GUCY1A2: variants seen among roughly 807,000 people sequenced by gnomAD.
GUCY1A2 encodes guanylate cyclase 1 soluble subunit alpha 2.
GUCY1A2 carries 27 observed loss-of-function variants against 63.5 expected under a neutral mutation model. The ratio of observed to expected loss-of-function variants is 0.43; its 90% confidence interval spans 0.31 to 0.59. The LOEUF is 0.59. Ranked by LOEUF, GUCY1A2 falls within the 20% of genes least tolerant of loss-of-function variation. The pLI is 0.11. For missense variants in GUCY1A2, 768 were observed against 913.3 expected (o/e 0.84, Z 2.05); for synonymous variants, 364 against 343.5 (o/e 1.06, Z -0.66).
At chr11:106,897,018 G>T (rs1860059811) in intron 4 of GUCY1A2, among the ~76,000 whole-genome samples, 1 of 152,052 alleles carries the variant, frequency 6.6e-6, no homozygotes, top group African/African-American at 2.4e-5. Flanking sequence ...AGTGTATAGG[G>T]TTAATATACA....
chr11:106,870,632 T>C (rs1453168110), intron 4 of GUCY1A2, among the ~76,000 whole-genome samples: 1 of 152,072 alleles, frequency 6.6e-6, no homozygotes, highest in African/African-American at 2.4e-5. Flanking sequence ...TGGCTGCGTA[T>C]GACCTTCAGA....
intron 6 of GUCY1A2, among the ~76,000 whole-genome samples, chr11:106,717,325 C>A (rs1161126178): frequency 6.6e-6 from 1 of 152,116 alleles, no homozygotes; most frequent in Non-Finnish European, 1.5e-5. Context: ...ACAACAGGCC[C>A]ATAGTAGACA....
intron 4 of GUCY1A2, among the ~76,000 whole-genome samples, chr11:106,866,247 A>T (rs1859591231): frequency 6.6e-6 from 1 of 151,000 alleles, no homozygotes. Context: ...TCTTGAATTA[A>T]AAAAAAAATG....
chr11:106,838,262 GC>G (rs1265433053), intron 4 of GUCY1A2, among the ~76,000 whole-genome samples: 1 of 151,912 alleles, frequency 6.6e-6, no homozygotes, highest in Non-Finnish European at 1.5e-5. Context: ...TAAACTGAAA[GC>G]TTTTTCAAAG....
intron 1 of GUCY1A2, among the ~76,000 whole-genome samples, chr11:106,991,405 C>T (rs1861468662): frequency 6.6e-6 from 1 of 152,176 alleles, no homozygotes; most frequent in Non-Finnish European, 1.5e-5. Flanking sequence ...GTTTTAAATT[C>T]TGCCTCACAT....
intron 4 of GUCY1A2, among the ~76,000 whole-genome samples, chr11:106,914,640 T>A (rs1192947079): frequency 6.7e-6 from 1 of 148,540 alleles, no homozygotes; most frequent in Non-Finnish European, 1.5e-5. Context: ...ACAAGGAAAA[T>A]TAAATAAATA....
At chr11:106,709,431 GTA>G (rs1271070464) in intron 6 of GUCY1A2, among the ~76,000 whole-genome samples, 1 of 77,694 alleles carries the variant, frequency 1.3e-5, no homozygotes, top group Non-Finnish European at 2.2e-5. Flanking sequence ...TTATATATAA[GTA>G]TATATAATAA....
At chr11:106,766,962 C>A (rs1272210467) in intron 6 of GUCY1A2, among the ~76,000 whole-genome samples, 2 of 152,030 alleles carry the variant, frequency 1.3e-5, no homozygotes, top group Non-Finnish European at 2.9e-5. Flanking sequence ...CTATTCTTTA[C>A]ATAAACGTCA....
chr11:106,848,214 A>G (rs1859303351), intron 4 of GUCY1A2, among the ~76,000 whole-genome samples: 1 of 147,388 alleles, frequency 6.8e-6, no homozygotes. Flanking sequence ...CTATATAAAA[A>G]TCAACAGAAT....
chr11:106,814,162 T>C (rs998614103), intron 4 of GUCY1A2, among the ~76,000 whole-genome samples: 1 of 152,042 alleles, frequency 6.6e-6, no homozygotes, highest in Admixed American at 6.6e-5. Flanking sequence ...AAGAGAGAAG[T>C]TGTTGCTACA....
chr11:106,696,496 T>A (rs1862721892), intron 7 of GUCY1A2, among the ~76,000 whole-genome samples: 1 of 152,184 alleles, frequency 6.6e-6, no homozygotes, highest in Admixed American at 6.5e-5. Flanking sequence ...CAATTATTTT[T>A]AAAAATTAAT....
At chr11:106,703,563 G>A (rs1356750470) in intron 7 of GUCY1A2, among the ~76,000 whole-genome samples, 1 of 152,058 alleles carries the variant, frequency 6.6e-6, no homozygotes, top group Non-Finnish European at 1.5e-5. Context: ...GAATGAGAGT[G>A]GCCTCAAAGC....
intron 4 of GUCY1A2, among the ~76,000 whole-genome samples, chr11:106,845,319 A>G (rs1287653704): frequency 6.6e-6 from 1 of 151,514 alleles, no homozygotes; most frequent in Non-Finnish European, 1.5e-5. Flanking sequence ...ATAATAGAGT[A>G]GGAAATTTGA....
At chr11:106,761,117 T>C (rs1161470269) in intron 6 of GUCY1A2, among the ~76,000 whole-genome samples, 1 of 152,214 alleles carries the variant, frequency 6.6e-6, no homozygotes. Flanking sequence ...TTTCTCCTTC[T>C]TCTGGCCTTA....
intron 5 of GUCY1A2, among the ~76,000 whole-genome samples, chr11:106,777,312 T>C (rs1267375701): frequency 6.6e-6 from 1 of 151,914 alleles, no homozygotes; most frequent in Admixed American, 6.6e-5. Flanking sequence ...CTGGGCACGG[T>C]GGTGCGTGCC....
chr11:106,955,265 C>A (rs192626050), intron 3 of GUCY1A2, among the ~76,000 whole-genome samples: 21 of 152,290 alleles, frequency 1.4e-4, no homozygotes, highest in Admixed American at 8.5e-4. Flanking sequence ...AGCCACCATG[C>A]CCGGCCCAGT....
intron 4 of GUCY1A2, among the ~76,000 whole-genome samples, chr11:106,880,423 G>T (rs917329414): frequency 6.6e-6 from 1 of 151,914 alleles, no homozygotes; most frequent in Non-Finnish European, 1.5e-5. Flanking sequence ...CCAGCCCACT[G>T]CCGCTGGACC....
chr11:106,923,912 A>C lies in GUCY1A2; in HGVS notation c.1206+15548T>G, dbSNP rs942428133. Among the ~76,000 whole-genome samples the C allele has an allele frequency of 7.2e-5, 11 of 152,312 alleles. 1 individual carries two copies. The highest frequency in any genetic ancestry group is 6.8e-3 in the Middle Eastern group (2 of 292). ...GACAGGTTTTCCCAAGACCATTTGT[A>C]AAATAAAACTAAAATGACAAAGATA... On this transcript the variant is annotated intron_variant, in intron 4 of 7. Coordinates refer to ENST00000526355, the MANE Select transcript of GUCY1A2 (RefSeq NM_000855.3).
At chr11:106,998,510 T>A (rs1444845220) in intron 1 of GUCY1A2, among the ~76,000 whole-genome samples, 1 of 152,244 alleles carries the variant, frequency 6.6e-6, no homozygotes, top group Non-Finnish European at 1.5e-5. Context: ...AATTTTAATG[T>A]TATGATGCTT....
Sources: gnomAD v4.1 joint callset for allele counts (sites outside exome capture counted in the v4.1 genomes callset) on GRCh38, gnomAD v4.1.1 for gene constraint, MANE v1.5 for transcripts, NCBI Gene and HGNC (gene_info 2026-07-23, HGNC 2026-07-21) for gene names.